ZNF680: variants seen among roughly 807,000 people sequenced by gnomAD.
The protein encoded by ZNF680 is zinc finger protein 680, also known as hypothetical protein FLJ90430.
ZNF680 carries 6 observed loss-of-function variants against 12.1 expected under a neutral mutation model. The observed-to-expected ratio is 0.49, with a 90% CI of 0.27 to 0.98. The LOEUF (loss-of-function observed/expected upper bound fraction) is 0.98. Ranked by LOEUF, ZNF680 falls within the 50% of genes least tolerant of loss-of-function variation. The pLI, the probability that ZNF680 is intolerant of heterozygous loss-of-function variation, is 0.12. For missense variants in ZNF680, 561 were observed against 616.3 expected (o/e 0.91, Z 0.95); for synonymous variants, 170 against 199.3 (o/e 0.85, Z 1.24).
intron 2 of ZNF680, 162 bp downstream of exon 2, chr7:64,544,144 A>C (rs1584386719): frequency 9.5e-7 from 1 of 1,048,074 alleles, no homozygotes; most frequent in Non-Finnish European, 1.3e-6. Context: ...GATGAAACGT[A>C]CTGAAGGAAT....
chr7:64,511,514 A>G, the ZNF680 span, among the ~76,000 whole-genome samples: 1 of 152,062 alleles, frequency 6.6e-6, no homozygotes, highest in African/African-American at 2.4e-5. Flanking sequence ...GTTGTCCTCT[A>G]AAAAATAGTC....
chr7:64,546,333 G>GT (rs1270835745), intron 1 of ZNF680, among the ~76,000 whole-genome samples: 15 of 152,200 alleles, frequency 9.9e-5, no homozygotes, highest in Non-Finnish European at 2.2e-4. Flanking sequence ...CTGTTTACCT[G>GT]CTACCACCAC....
At position 64,563,016 on chromosome 7, in the gene ZNF680, G is replaced by A. The variant is rs111930418; in HGVS notation, c.-62C>T. 3.6e-3 allele frequency: 5,723 copies of A among 1,590,816 alleles called. 21 individuals are homozygous for A. The highest frequency in any genetic ancestry group is 7.8e-3 in the Middle Eastern group (47 of 5,990). On this transcript the variant is annotated 5_prime_UTR_variant, in exon 1 of 4. Coordinates refer to ENST00000309683, the MANE Select transcript of ZNF680 (RefSeq NM_178558.5). ...AGTCACAGAGGCTGGGCCTCTAGGA[G>A]CAGAATACACAGAGCAGTAAAGACT...
At chr7:64,558,663 C>A (rs942705242) in intron 1 of ZNF680, among the ~76,000 whole-genome samples, 1 of 152,004 alleles carries the variant, frequency 6.6e-6, no homozygotes, top group Non-Finnish European at 1.5e-5. Context: ...TGTTTTGAGG[C>A]AGTTTCTAGA....
chr7:64,538,253 GAGA>G (rs139975877), intron 3 of ZNF680, among the ~76,000 whole-genome samples: 5,959 of 151,734 alleles, frequency 0.039, 378 homozygotes, highest in East Asian at 0.33. Context: ...GAGCAACAAA[GAGA>G]AGAACAGAAT....
chr7:64,551,498 CAG>C (rs1450674470), intron 1 of ZNF680: 1 of 159,534 alleles, frequency 6.3e-6, no homozygotes, highest in Non-Finnish European at 1.3e-5. Context: ...AGCGCCACAT[CAG>C]AGAGTGAAGC....
the ZNF680 span, among the ~76,000 whole-genome samples, chr7:64,507,176 A>G: frequency 6.6e-6 from 1 of 152,218 alleles, no homozygotes; most frequent in East Asian, 1.9e-4. Flanking sequence ...GCTAGATGAA[A>G]TAAGCCAGAC....
intron 3 of ZNF680, among the ~76,000 whole-genome samples, chr7:64,529,821 A>C (rs1452266002): frequency 6.6e-6 from 1 of 152,224 alleles, no homozygotes; most frequent in Non-Finnish European, 1.5e-5. Flanking sequence ...TATCACAAAA[A>C]GAGTATCACC....
the ZNF680 span, chr7:64,501,273 G>A: frequency 1.0e-6 from 1 of 967,432 alleles, no homozygotes; most frequent in Non-Finnish European, 1.7e-6. Flanking sequence ...CTATTGCTTA[G>A]GCTGTAGTGC....
At chr7:64,518,492 T>C (rs969279895), downstream of ZNF680, among the ~76,000 whole-genome samples, 2 of 151,954 alleles carry the variant, frequency 1.3e-5, no homozygotes, top group African/African-American at 4.8e-5. Flanking sequence ...AATGACTACA[T>C]TGCCAAAAGC....
At chr7:64,543,849 A>G in intron 2 of ZNF680, 47 bp from the exon 3 acceptor site, 2 of 1,507,838 alleles carry the variant, frequency 1.3e-6, no homozygotes, top group Non-Finnish European at 1.8e-6. Context: ...ATATTCTCCA[A>G]TTACCAAACT....
At chr7:64,555,332 T>C (rs995555220) in intron 1 of ZNF680, among the ~76,000 whole-genome samples, 4 of 125,562 alleles carry the variant, frequency 3.2e-5, no homozygotes, top group Non-Finnish European at 6.8e-5. Context: ...TTGATAAAAA[T>C]ATAATTCAAT....
chr7:64,546,220 A>G (rs1316103319), intron 1 of ZNF680, among the ~76,000 whole-genome samples: 2 of 152,168 alleles, frequency 1.3e-5, no homozygotes, highest in African/African-American at 4.8e-5. Flanking sequence ...AAAAGAACCA[A>G]TTCTTCCTGT....
intron 3 of ZNF680, among the ~76,000 whole-genome samples, chr7:64,531,466 G>A (rs960232613): frequency 2.0e-5 from 3 of 151,750 alleles, no homozygotes; most frequent in Non-Finnish European, 2.9e-5. Flanking sequence ...GCATGGTGGC[G>A]GGTGCCTGTA....
intron 1 of ZNF680, among the ~76,000 whole-genome samples, chr7:64,560,628 A>G (rs181967640): frequency 2.0e-4 from 31 of 152,250 alleles, no homozygotes; most frequent in African/African-American, 7.5e-4. Flanking sequence ...ACTGGCCAAC[A>G]TGGTGAAACC....
chr7:64,527,002 C>T (rs1791887820), intron 3 of ZNF680, among the ~76,000 whole-genome samples: 1 of 152,172 alleles, frequency 6.6e-6, no homozygotes, highest in Admixed American at 6.5e-5. Flanking sequence ...TTTTGGGAGG[C>T]CGAGGTGGGC....
At chr7:64,557,864 T>C (rs1421194977) in intron 1 of ZNF680, among the ~76,000 whole-genome samples, 1 of 152,132 alleles carries the variant, frequency 6.6e-6, no homozygotes, top group East Asian at 1.9e-4. Context: ...TTGAGGGTGG[T>C]GGGTAGGAGG....
intron 3 of ZNF680, 83 bp from the exon 4 acceptor site, chr7:64,522,583 C>A (rs2116365885): frequency 1.9e-6 from 2 of 1,033,526 alleles, no homozygotes; most frequent in Non-Finnish European, 1.3e-6. Flanking sequence ...TAAAATTACA[C>A]AAACTACATA....
chr7:64,543,910 C>T (rs1484018466), intron 2 of ZNF680, 108 bp from the exon 3 acceptor site: 3 of 914,128 alleles, frequency 3.3e-6, no homozygotes, highest in Admixed American at 2.6e-5. Flanking sequence ...GTAAATTAAT[C>T]CCAAATTACT....
Sources: gnomAD v4.1 joint callset for allele counts (sites outside exome capture counted in the v4.1 genomes callset) on GRCh38, gnomAD v4.1.1 for gene constraint, MANE v1.5 for transcripts, NCBI Gene and HGNC (gene_info 2026-07-23, HGNC 2026-07-21) for gene names.